ST6GALNAC3: variants seen among roughly 807,000 people sequenced by gnomAD.
ST6GALNAC3 encodes alpha-N-acetylgalactosaminide alpha-2,6-sialyltransferase 3.
ST6GALNAC3 carries 25 observed loss-of-function variants against 32.7 expected under a neutral mutation model. The ratio of observed to expected loss-of-function variants is 0.76; its 90% CI spans 0.56 to 1.07. The LOEUF is 1.07. Ranked by LOEUF, ST6GALNAC3 falls within the 50% of genes least tolerant of loss-of-function variation. The pLI is 0.00. For synonymous variants in ST6GALNAC3, 129 were observed against 133.1 expected (o/e 0.97, Z 0.21); for missense variants, 355 against 382.4 (o/e 0.93, Z 0.60).
chr1:76,266,417 G>T (rs1416429199), intron 1 of ST6GALNAC3, among the ~76,000 whole-genome samples: 1 of 152,194 alleles, frequency 6.6e-6, no homozygotes, highest in Non-Finnish European at 1.5e-5. Flanking sequence ...TGTCTCAGAG[G>T]AAGGGCAACC....
intron 3 of ST6GALNAC3, among the ~76,000 whole-genome samples, chr1:76,584,589 A>G (rs1439371606): frequency 6.6e-6 from 1 of 152,234 alleles, no homozygotes; most frequent in Non-Finnish European, 1.5e-5. Flanking sequence ...ATTTTCCAAT[A>G]TCTTAAATGC....
chr1:76,463,257 G>A (rs1163680783), intron 3 of ST6GALNAC3, among the ~76,000 whole-genome samples: 3 of 152,048 alleles, frequency 2.0e-5, no homozygotes, highest in Admixed American at 6.6e-5. Context: ...TAAAAGTCCC[G>A]CTGCTTTAGG....
At chr1:76,181,702 C>T (rs1273341324) in intron 1 of ST6GALNAC3, among the ~76,000 whole-genome samples, 5 of 152,118 alleles carry the variant, frequency 3.3e-5, no homozygotes, top group Admixed American at 3.3e-4. Context: ...AAGTAGTTTG[C>T]TTATTAACCA....
chr1:76,618,967 G>A (rs1648467113), intron 3 of ST6GALNAC3, among the ~76,000 whole-genome samples: 2 of 152,204 alleles, frequency 1.3e-5, no homozygotes, highest in Middle Eastern at 3.4e-3. Context: ...GAAAATCTGT[G>A]GTCACTGACA....
chr1:76,397,366 A>T (rs60739357), intron 2 of ST6GALNAC3, among the ~76,000 whole-genome samples: 2,312 of 84,788 alleles, frequency 0.027, 78 homozygotes, highest in African/African-American at 0.093. Context: ...CTTCTATAAG[A>T]TGCTTTTTTT....
intron 1 of ST6GALNAC3, among the ~76,000 whole-genome samples, chr1:76,142,667 A>T (rs1650402670): frequency 6.6e-6 from 1 of 152,194 alleles, no homozygotes. Flanking sequence ...AAAAGACCTA[A>T]ATCACCATAT....
chr1:76,318,200 T>C (rs570530812), intron 2 of ST6GALNAC3, among the ~76,000 whole-genome samples: 2 of 152,078 alleles, frequency 1.3e-5, no homozygotes, highest in Non-Finnish European at 2.9e-5. Flanking sequence ...AAAAAGAGCA[T>C]GTGAAAACTG....
At chr1:76,597,170 G>A (rs1426789581) in intron 3 of ST6GALNAC3, among the ~76,000 whole-genome samples, 2 of 152,176 alleles carry the variant, frequency 1.3e-5, no homozygotes, top group Admixed American at 1.3e-4. Context: ...CTTTTGGAGA[G>A]TAGGGAGAAA....
intron 1 of ST6GALNAC3, among the ~76,000 whole-genome samples, chr1:76,255,490 T>C (rs1657869445): frequency 1.3e-5 from 2 of 152,102 alleles, no homozygotes; most frequent in African/African-American, 4.8e-5. Context: ...AAAATGAGAT[T>C]GAGAATAAAG....
chr1:76,431,672 A>C lies in ST6GALNAC3; in HGVS notation c.623+19255A>C, dbSNP rs145870547. Among the ~76,000 whole-genome samples, 433 of 152,276 alleles carry C rather than the reference A, an allele frequency of 2.8e-3. 5 individuals are homozygous for C. The highest frequency in any genetic ancestry group is 9.9e-3 in the African/African-American group (412 of 41,566). On this transcript the variant is annotated intron_variant, in intron 3 of 4. Transcript: ENST00000328299. The stretch of plus-strand genomic sequence containing the variant: ...AACATGGGAATAGAACAAGAAGCTG[A>C]TTCTCTTTTAAATTGCCTTATTTGT...
intron 1 of ST6GALNAC3, among the ~76,000 whole-genome samples, chr1:76,242,598 C>A (rs573851565): frequency 6.6e-6 from 1 of 152,242 alleles, no homozygotes; most frequent in African/African-American, 2.4e-5. Flanking sequence ...AATGCTCTCC[C>A]TCCCCTTTCC....
chr1:76,411,154 TAGG>T (rs1229297247), intron 2 of ST6GALNAC3, among the ~76,000 whole-genome samples: 1 of 152,170 alleles, frequency 6.6e-6, no homozygotes, highest in East Asian at 1.9e-4. Context: ...TTGGTTGTTT[TAGG>T]AGAACTGAAA....
intron 1 of ST6GALNAC3, among the ~76,000 whole-genome samples, chr1:76,136,854 A>G (rs151136373): frequency 2.6e-5 from 4 of 152,356 alleles, no homozygotes; most frequent in Admixed American, 6.5e-5. Context: ...TGTCAAATCT[A>G]TAGGCCTCAG....
chr1:76,571,737 T>A (rs947340722), intron 3 of ST6GALNAC3, among the ~76,000 whole-genome samples: 14 of 152,110 alleles, frequency 9.2e-5, no homozygotes, highest in Admixed American at 8.5e-4. Flanking sequence ...TTTATTATCA[T>A]CCTGGTATGT....
At chr1:76,241,860 T>C (rs1656984655) in intron 1 of ST6GALNAC3, among the ~76,000 whole-genome samples, 1 of 152,136 alleles carries the variant, frequency 6.6e-6, no homozygotes, top group African/African-American at 2.4e-5. Flanking sequence ...AAATTTAAGA[T>C]TATGTGTGTG....
rs60382515 is a variant in ST6GALNAC3, at chr1:76,550,824, C to T, written c.624-76628C>T. ...GGAATGCAATGGAGCGATCTCAGTT[C>T]GGTTCACTGCAACCTCTGCCTCCCG... On this transcript the variant is annotated intron_variant, in intron 3 of 4. Coordinates refer to ENST00000328299, the MANE Select transcript of ST6GALNAC3 (RefSeq NM_152996.4). Among the ~76,000 whole-genome samples, 14 of 152,228 alleles carry T rather than the reference C, an allele frequency of 9.2e-5. 1 individual carries two copies. In the East Asian group the frequency reaches 1.9e-3, roughly 21 times the overall value.
intron 2 of ST6GALNAC3, among the ~76,000 whole-genome samples, chr1:76,380,385 C>G (rs1470957198): frequency 1.3e-5 from 2 of 152,100 alleles, no homozygotes; most frequent in African/African-American, 4.8e-5. Context: ...AGTGCAACCC[C>G]TGTGGTAAAC....
chr1:76,286,042 G>C (rs1477638640), intron 1 of ST6GALNAC3, among the ~76,000 whole-genome samples: 1 of 152,134 alleles, frequency 6.6e-6, no homozygotes, highest in Non-Finnish European at 1.5e-5. Flanking sequence ...AGATGTCACA[G>C]GGAACATTCT....
intron 3 of ST6GALNAC3, among the ~76,000 whole-genome samples, chr1:76,591,717 T>C (rs748235953): frequency 1.1e-4 from 16 of 152,198 alleles, no homozygotes; most frequent in Admixed American, 2.0e-4. Flanking sequence ...TAAATTCTTG[T>C]AGCATGGAAA....
Sources: gnomAD v4.1 joint callset for allele counts (sites outside exome capture counted in the v4.1 genomes callset) on GRCh38, gnomAD v4.1.1 for gene constraint, MANE v1.5 for transcripts, NCBI Gene and HGNC (gene_info 2026-07-23, HGNC 2026-07-21) for gene names.